ZMAT4: variants seen among roughly 807,000 people sequenced by gnomAD.
ZMAT4 encodes zinc finger matrin-type 4.
A neutral mutation model predicts 28.7 loss-of-function variants in ZMAT4; 17 were observed. The ratio of observed to expected loss-of-function variants is 0.59; its 90% CI spans 0.41 to 0.89. ZMAT4 has a LOEUF of 0.89. Among genes scored for constraint, ZMAT4 ranks in the 40% least tolerant of loss-of-function variants. The pLI, the probability that ZMAT4 is intolerant of heterozygous loss-of-function variation, is 0.00. For synonymous variants in ZMAT4, 117 were observed against 109.2 expected (o/e 1.07, Z -0.44); for missense variants, 240 against 283.8 (o/e 0.85, Z 1.11).
intron 5 of ZMAT4, among the ~76,000 whole-genome samples, chr8:40,605,129 C>G (rs1585746812): frequency 1.3e-5 from 2 of 152,234 alleles, no homozygotes; most frequent in Middle Eastern, 6.8e-3. Context: ...AAACAACCAG[C>G]TTTTTGTTTC....
At chr8:40,769,250 T>G (rs1328676088) in intron 2 of ZMAT4, among the ~76,000 whole-genome samples, 1 of 152,212 alleles carries the variant, frequency 6.6e-6, no homozygotes, top group Non-Finnish European at 1.5e-5. Context: ...AAAGGTCATC[T>G]GGAGTTTTTT....
intron 3 of ZMAT4, among the ~76,000 whole-genome samples, chr8:40,766,504 A>G (rs1258391695): frequency 2.0e-5 from 3 of 148,200 alleles, no homozygotes; most frequent in Non-Finnish European, 4.4e-5. Flanking sequence ...GCTAAGGGCT[A>G]AAAAAAAACT....
chr8:40,733,400 C>T (rs1012842997), intron 3 of ZMAT4, among the ~76,000 whole-genome samples: 1 of 152,144 alleles, frequency 6.6e-6, no homozygotes, highest in Non-Finnish European at 1.5e-5. Flanking sequence ...GTAACTGCAT[C>T]TAATTTGCAA....
chr8:40,673,038 AT>A (rs1256210530), intron 5 of ZMAT4, among the ~76,000 whole-genome samples: 1 of 152,186 alleles, frequency 6.6e-6, no homozygotes, highest in African/African-American at 2.4e-5. Context: ...GAAAAAATCA[AT>A]CTCGAATCAA....
chr8:40,605,966 T>G (rs762230095), intron 5 of ZMAT4, among the ~76,000 whole-genome samples: 1 of 152,262 alleles, frequency 6.6e-6, no homozygotes, highest in Non-Finnish European at 1.5e-5. Context: ...CTTTAAAGTC[T>G]GTTTTGTCTG....
intron 2 of ZMAT4, among the ~76,000 whole-genome samples, chr8:40,779,613 G>A (rs1287972886): frequency 6.6e-6 from 1 of 152,164 alleles, no homozygotes; most frequent in Non-Finnish European, 1.5e-5. Flanking sequence ...TTTTTTAAAA[G>A]GCAGTTTCGT....
intron 1 of ZMAT4, among the ~76,000 whole-genome samples, chr8:40,836,963 T>C (rs967030865): frequency 2.0e-5 from 3 of 152,206 alleles, no homozygotes; most frequent in African/African-American, 7.2e-5. Context: ...AGATGATGGA[T>C]TGATTGACAG....
chr8:40,774,436 A>C (rs1813506233), intron 2 of ZMAT4, among the ~76,000 whole-genome samples: 1 of 152,110 alleles, frequency 6.6e-6, no homozygotes, highest in African/African-American at 2.4e-5. Flanking sequence ...AAATTGATAC[A>C]AGCTTCCTGG....
chr8:40,762,616 A>T (rs1812987316), intron 3 of ZMAT4, among the ~76,000 whole-genome samples: 1 of 152,128 alleles, frequency 6.6e-6, no homozygotes, highest in Non-Finnish European at 1.5e-5. Context: ...TAATCATGCC[A>T]CTGCATTCCA....
At chr8:40,624,725 T>G (rs2118702708) in intron 5 of ZMAT4, among the ~76,000 whole-genome samples, 1 of 152,308 alleles carries the variant, frequency 6.6e-6, no homozygotes, top group South Asian at 2.1e-4. Context: ...ACTGGAAAAC[T>G]TCAATATTCT....
chr8:40,639,054 C>T (rs371891042), intron 5 of ZMAT4, among the ~76,000 whole-genome samples: 134 of 152,306 alleles, frequency 8.8e-4, no homozygotes, highest in African/African-American at 3.0e-3. Flanking sequence ...AGCCAACCTT[C>T]GGCCAGGTCC....
At chr8:40,670,711 G>C (rs1026488161) in intron 5 of ZMAT4, among the ~76,000 whole-genome samples, 8 of 152,234 alleles carry the variant, frequency 5.3e-5, no homozygotes, top group African/African-American at 1.9e-4. Flanking sequence ...TTTAAAAACA[G>C]ATAAATGACA....
intron 5 of ZMAT4, among the ~76,000 whole-genome samples, chr8:40,583,116 T>A (rs1804548511): frequency 6.6e-6 from 1 of 152,170 alleles, no homozygotes; most frequent in African/African-American, 2.4e-5. Context: ...GAGTTCTCCC[T>A]CACCTTAAGC....
At chr8:40,818,452 G>T (rs747543866) in intron 2 of ZMAT4, among the ~76,000 whole-genome samples, 36 of 152,290 alleles carry the variant, frequency 2.4e-4, no homozygotes, top group Non-Finnish European at 5.1e-4. Context: ...TGTGTAGTAA[G>T]TCCTAGGATA....
At chr8:40,780,523 G>C (rs62642751) in intron 2 of ZMAT4, among the ~76,000 whole-genome samples, 1 of 152,086 alleles carries the variant, frequency 6.6e-6, no homozygotes, top group South Asian at 2.1e-4. Context: ...CCGGAGCACC[G>C]ACATTCTTGT....
chr8:40,873,787 G>A (rs561765477), intron 1 of ZMAT4, among the ~76,000 whole-genome samples: 31 of 152,176 alleles, frequency 2.0e-4, no homozygotes, highest in Non-Finnish European at 3.5e-4. Flanking sequence ...TGACCTTTTG[G>A]AGAACGTCCG....
rs1023320253 is a variant in ZMAT4, at chr8:40,532,352, C to T, written c.675-114G>A. The T allele has an allele frequency of 6.5e-6, 5 of 772,732 alleles. No homozygotes were observed. In the African/African-American group the frequency reaches 9.0e-5, roughly 14 times the overall value. The allele number at this position is 772,732 out of a possible 1,614,324, so 47.9% of individuals were successfully genotyped here. On this transcript the variant is annotated intron_variant, in intron 6 of 6. Coordinates refer to ENST00000297737, the MANE Select transcript of ZMAT4 (RefSeq NM_024645.3). ...CTACTTCTCATATTACCTTAACCAT[C>T]AAATTCAAATGCATCTGAATTTGTA...
chr8:40,700,732 T>G (rs181512973), intron 3 of ZMAT4, among the ~76,000 whole-genome samples: 1 of 152,254 alleles, frequency 6.6e-6, no homozygotes, highest in East Asian at 1.9e-4. Flanking sequence ...CTGAAACTCC[T>G]TCTGGCTCCC....
intron 6 of ZMAT4, among the ~76,000 whole-genome samples, chr8:40,553,818 AGAT>A (rs1447033510): frequency 2.0e-5 from 3 of 152,192 alleles, no homozygotes; most frequent in African/African-American, 7.2e-5. Flanking sequence ...AAAGACTGTT[AGAT>A]GATAGGGAGA....
Sources: allele counts gnomAD v4.1 joint callset (sites outside exome capture counted in the v4.1 genomes callset), GRCh38; gene constraint gnomAD v4.1.1; transcripts MANE v1.5; gene names NCBI Gene and HGNC (gene_info 2026-07-23, HGNC 2026-07-21).